Variants in CROCC observed in about 807,000 individuals in gnomAD.
CROCC encodes the protein ciliary rootlet coiled-coil, rootletin.
CROCC carries 180 observed loss-of-function variants against 245.2 expected under a neutral mutation model. The observed-to-expected ratio is 0.73, with a 90% CI of 0.65 to 0.83. The LOEUF is 0.83. Ranked by LOEUF, CROCC falls within the 40% of genes least tolerant of loss-of-function variation. The pLI is 0.00. For synonymous variants in CROCC, 1,205 were observed against 1,241.6 expected, an observed-to-expected ratio of 0.97 and a Z score of 0.62; for missense variants, 2,688 against 2,779.4, an observed-to-expected ratio of 0.97 and a Z score of 0.74.
intron 18 of CROCC, 34 bp downstream of exon 18, chr1:16,948,558 G>T: frequency 2.0e-6 from 3 of 1,499,944 alleles, no homozygotes; most frequent in Middle Eastern, 2.4e-4. Flanking sequence ...CCCGCCCTGG[G>T]GGGTCCTCCT....
chr1:16,968,311 C>T lies in CROCC; in HGVS notation c.4969C>T (p.Gln1657Ter). Residue 1657 changes from glutamine (Q) to a stop codon, truncating the protein, a stop_gained, in exon 31 of 37, where the codon CAG (glutamine) becomes TAG (stop). Coordinates refer to ENST00000375541, the MANE Select transcript of CROCC (RefSeq NM_014675.5). LOFTEE classifies it high-confidence loss of function. ...SESRTVKLELQRRSLEGELQR... is the reference protein window; with the variant it reads ...SESRTVKLEL ...GAGCCGCACTGTCAAGCTGGAGCTG[C>T]AGCGGCGCTCGCTTGAGGGGGAGCT... 6.5e-7 allele frequency: 1 copy of T among 1,550,086 alleles called. No individual in the cohort carries two copies. Among genetic ancestry groups the T allele is most frequent in the Middle Eastern group, 2.2e-4 (1 of 4,634 alleles).
At position 16,969,207 on chromosome 1, in the gene CROCC, C is replaced by T; in HGVS notation, c.5168C>T (p.Ala1723Val). 1 of 1,610,704 alleles carries T rather than the reference C, an allele frequency of 6.2e-7. No homozygotes were observed. The highest frequency in any genetic ancestry group is 1.1e-5 in the South Asian group (1 of 90,700). Residue 1723 changes from alanine to valine, a missense_variant, in exon 32 of 37, where the codon GCC becomes GTC. This residue lies in a region of CROCC where 1,218 missense variants were observed against 1,286.3 expected (regional missense o/e 0.95). Transcript: ENST00000375541. ...ALAKVEESEGALRDKVRGLTE... is the reference protein window; with the variant it reads ...ALAKVEESEGVLRDKVRGLTE... ...GCTAAGGTGGAGGAAAGCGAGGGGG[C>T]CCTGCGGGACAAGGTGCGGGGCCTG...
chr1:16,951,095 G>A lies in CROCC; in HGVS notation c.2979G>A (p.Glu993=), dbSNP rs1453281542. The part of the protein sequence containing the change: ...SLREQRAAHE[E]DLQRLQREKE... The stretch of plus-strand genomic sequence containing the variant: ...GGGAGCAGCGGGCAGCTCACGAGGA[G>A]GACTTACAGCGACTCCAGCGTGAAA... The change falls in exon 20 of 37, where the codon GAG becomes GAA. Residue 993 remains glutamate (E), a synonymous_variant. Coordinates refer to ENST00000375541, the MANE Select transcript of CROCC (RefSeq NM_014675.5). 1 of 1,577,932 alleles carries A rather than the reference G, an allele frequency of 6.3e-7. No individual in the cohort carries two copies. The highest frequency in any genetic ancestry group is 1.9e-5 in the Admixed American group (1 of 52,950).
intron 18 of CROCC, 91 bp downstream of exon 18, chr1:16,948,615 C>T (rs2076103511): frequency 6.8e-7 from 1 of 1,478,456 alleles, no homozygotes; most frequent in Non-Finnish European, 9.0e-7. Flanking sequence ...CCCCCAGGGG[C>T]AGTTACTAAG....
intron 8 of CROCC, among the ~76,000 whole-genome samples, chr1:16,934,985 C>T (rs1331984497): frequency 2.0e-5 from 3 of 152,004 alleles, no homozygotes; most frequent in Admixed American, 1.3e-4. Flanking sequence ...CTGCAACCTC[C>T]ACCTCCCAGG....
In CROCC at chr1:16,930,333, G is replaced by C; in HGVS notation, c.669G>C (p.Glu223Asp). The C allele has an allele frequency of 6.2e-7, 1 of 1,610,376 alleles. No individual in the cohort carries two copies. Among genetic ancestry groups the C allele is most frequent in the Non-Finnish European group, 8.5e-7 (1 of 1,179,166 alleles). The change falls in exon 6 of 37, where the codon GAG becomes GAC. Residue 223 changes from glutamate to aspartate, a missense_variant. By Grantham distance (45) the Glu-to-Asp change is conservative. Around this residue, in one of 9 missense-constraint regions of CROCC, gnomAD observed 972 missense variants for 895.3 expected, o/e 1.09. Coordinates refer to ENST00000375541, the MANE Select transcript of CROCC (RefSeq NM_014675.5). ...TGGAAAGCGCCCTCATCCGGCTGGA[G>C]GAGGAGCAGCAGAGGTGAGGGCGCA... Reference protein sequence around the residue: ...QDLESALIRLEEEQQRSASLA... With the variant: ...QDLESALIRLDEEQQRSASLA...
Position 16,969,247 on chromosome 1 carries a change from C to G in CROCC, c.5208C>G (p.Ala1736=). 3 of 1,613,410 alleles carry G rather than the reference C, an allele frequency of 1.9e-6. No individual in the cohort carries two copies. The highest frequency in any genetic ancestry group is 2.5e-6 in the Non-Finnish European group (3 of 1,179,866). Residue 1736 remains alanine, a synonymous_variant, in exon 32 of 37, where the codon GCC becomes GCG. Coordinates refer to ENST00000375541, the MANE Select transcript of CROCC (RefSeq NM_014675.5). The stretch of plus-strand genomic sequence containing the variant: ...TGCGGGGCCTGACAGAGGCCCTGGC[C>G]CAGAGCAGTGCCAGCCTCAACAGCA... ...DKVRGLTEAL[A]QSSASLNSTR...
In CROCC at chr1:16,971,544, A is replaced by T. The variant is rs2076520050; in HGVS notation, c.5864A>T (p.Gln1955Leu). ...GCGCAGCAGCAGCAGCTGGAGCTGC[A>T]GCAGGAGGTGGAGCGGCTGCGCAGC... ...VDAQQQQLEL[Q>L]QEVERLRSAQ... Residue 1955 changes from glutamine (Q) to leucine (L), a missense_variant, in exon 36 of 37, where the codon CAG becomes CTG. Gln to Leu is a moderately radical substitution (Grantham distance 113, BLOSUM62 -2). This residue lies in a region of CROCC where 1,218 missense variants were observed against 1,286.3 expected (regional missense o/e 0.95). Transcript: ENST00000375541. The T allele has an allele frequency of 1.3e-6, 2 of 1,536,758 alleles. No individual in the cohort carries two copies. Among genetic ancestry groups the T allele is most frequent in the South Asian group, 2.4e-5 (2 of 83,918 alleles).
chr1:16,962,979 C>G (rs1281527538), intron 27 of CROCC, among the ~76,000 whole-genome samples: 1 of 150,910 alleles, frequency 6.6e-6, no homozygotes, highest in Admixed American at 6.6e-5. Context: ...GCCAGGAGTT[C>G]AAGACCAGCC....
chr1:16,947,321 T>C (rs2076071538), intron 17 of CROCC, among the ~76,000 whole-genome samples: 1 of 152,200 alleles, frequency 6.6e-6, no homozygotes, highest in African/African-American at 2.4e-5. Flanking sequence ...TACAAAAAAT[T>C]AGCTGGGCGT....
Position 16,954,485 on chromosome 1 carries a change from C to T in CROCC, c.3321+128C>T. The T allele has an allele frequency of 7.4e-7, 1 of 1,352,748 alleles. No individual in the cohort carries two copies. The allele number at this position is 1,352,748 out of a possible 1,614,324, so 83.8% of individuals were successfully genotyped here. ...CCAGGCTGTGGGAAAGGAGGTTTAG[C>T]CCTTCTTTTGGGAGCCCCCATCTGA... On this transcript the variant is annotated intron_variant, in intron 22 of 36. Transcript: ENST00000375541. This position sits in a 1 kb window ranked among gnomAD's most constrained non-coding sequence, Gnocchi z 4.4.
intron 25 of CROCC, 117 bp downstream of exon 25, chr1:16,956,273 C>T: frequency 9.2e-7 from 1 of 1,087,114 alleles, no homozygotes. Flanking sequence ...TGAACTATGA[C>T]AAGCCCTCTC....
At position 16,970,347 on chromosome 1, in the gene CROCC, G is replaced by T; in HGVS notation, c.5546G>T (p.Ser1849Ile). The T allele has an allele frequency of 6.3e-7, 1 of 1,592,516 alleles. No homozygotes were observed. The highest frequency in any genetic ancestry group is 1.3e-5 in the African/African-American group (1 of 74,668). ...CGGCTGCTGCAGGAGCGCCTGGGAA[G>T]CCTGCAGCGCGCCCTGGCTCAGCTG... ...ERRLLQERLG[S>I]LQRALAQLEA... Residue 1849 changes from serine to isoleucine, a missense_variant, in exon 34 of 37, where the codon AGC becomes ATC. Physicochemically the swap from Ser to Ile is moderately radical, Grantham distance 142. Around this residue, in one of 9 missense-constraint regions of CROCC, gnomAD observed 1,218 missense variants for 1,286.3 expected, o/e 0.95. Transcript: ENST00000375541.
At chr1:16,961,894 T>C (rs114003920) in intron 27 of CROCC, among the ~76,000 whole-genome samples, 2,480 of 152,194 alleles carry the variant, frequency 0.016, 67 homozygotes, top group African/African-American at 0.057. Flanking sequence ...GTGCCTTTCC[T>C]GGACCGGGGG....
chr1:16,953,246 G>T, intron 20 of CROCC, 56 bp from the exon 21 acceptor site: 2 of 1,493,278 alleles, frequency 1.3e-6, no homozygotes, highest in South Asian at 2.5e-5. Flanking sequence ...ATGTTTTGGG[G>T]GGTCTGCCTG....
chr1:16,970,869 C>T, intron 35 of CROCC, 102 bp downstream of exon 35: 1 of 1,358,454 alleles, frequency 7.4e-7, no homozygotes. Flanking sequence ...CCCATAACCC[C>T]CTCCCCCAGG....
intron 36 of CROCC, 41 bp downstream of exon 36, chr1:16,971,688 G>T: frequency 1.4e-6 from 2 of 1,433,666 alleles, no homozygotes. Context: ...GGATGGATGT[G>T]TGGGGCTGCA....
chr1:16,914,473 C>G (rs1327234505), intron 1 of CROCC, among the ~76,000 whole-genome samples: 1 of 152,276 alleles, frequency 6.6e-6, no homozygotes. Flanking sequence ...CCTCTGCCCC[C>G]CGCAGATGCC....
rs1360196257 is a variant in CROCC, at chr1:16,924,448, T to G, written c.320T>G (p.Leu107Arg). The change falls in exon 3 of 37, where the codon CTC becomes CGC. Residue 107 changes from leucine (L) to arginine (R), a missense_variant. Leu to Arg is a moderately radical substitution (Grantham distance 102). Coordinates refer to ENST00000375541, the MANE Select transcript of CROCC (RefSeq NM_014675.5). The part of the protein sequence containing the change: ...LAQSRAERDE[L>R]AIKYNAVSER... The stretch of plus-strand genomic sequence containing the variant: ...CAGAGCCGTGCCGAGCGCGATGAGC[T>G]CGCCATTAAGTACAATGCGGTCAGC... The G allele has an allele frequency of 6.2e-7, 1 of 1,613,486 alleles. No homozygotes were observed. Among genetic ancestry groups the G allele is most frequent in the Admixed American group, 1.7e-5 (1 of 60,002 alleles).
Sources: allele counts gnomAD v4.1 joint callset (sites outside exome capture counted in the v4.1 genomes callset), GRCh38; gene constraint gnomAD v4.1.1; regional missense constraint gnomAD v4.1.1; non-coding constraint Gnocchi (gnomAD v3.1); transcripts MANE v1.5; gene names NCBI Gene and HGNC (gene_info 2026-07-23, HGNC 2026-07-21).